Variants in ADGRF1 observed in about 807,000 individuals in gnomAD.
ADGRF1 encodes G protein-coupled receptor 110.
A neutral mutation model predicts 87.2 loss-of-function variants in ADGRF1; 85 were observed. The observed-to-expected ratio is 0.97, with a 90% CI of 0.82 to 1.17. The LOEUF (loss-of-function observed/expected upper bound fraction) is 1.17. ADGRF1 is among the 50% of genes most tolerant of loss of function. The pLI, the probability that ADGRF1 is intolerant of heterozygous loss-of-function variation, is 0.00. For missense variants in ADGRF1, 1,169 were observed against 1,077.2 expected (o/e 1.09, Z -1.19); for synonymous variants, 430 against 408.8 (o/e 1.05, Z -0.63).
intron 9 of ADGRF1, chr6:47,014,375 C>T: frequency 1.9e-6 from 2 of 1,059,394 alleles, no homozygotes; most frequent in Non-Finnish European, 2.3e-6. Flanking sequence ...ACTTCTGAGG[C>T]CAGCTTAGTT....
In ADGRF1 at chr6:47,016,757, A is replaced by T. The variant is rs777118683; in HGVS notation, c.623T>A (p.Ile208Asn). The T allele has an allele frequency of 6.3e-6, 10 of 1,586,894 alleles. No homozygotes were observed. The highest frequency in any genetic ancestry group is 8.6e-6 in the Non-Finnish European group (10 of 1,162,000). ...GCCAACAACTTCATACCCAGCAACG[A>T]TGCTTCCATTTCTGCAGTGATTATG... ...VQVTQFRNGS[I>N]VAGYEVVGSS... The change falls in exon 8 of 15, where the codon ATC (isoleucine) becomes AAC (asparagine). Residue 208 changes from isoleucine (I) to asparagine (N), a missense_variant. Ile to Asn is a moderately radical substitution (Grantham distance 149). Transcript: ENST00000371253.
Position 47,009,354 on chromosome 6 carries a change from G to A in ADGRF1, c.2081C>T (p.Ala694Val). 1 of 1,614,168 alleles carries A rather than the reference G, an allele frequency of 6.2e-7. No individual in the cohort carries two copies. ...YRIILVFHHMAQHLMMAVGFC... is the reference protein window; with the variant it reads ...YRIILVFHHMVQHLMMAVGFC... ...TCCAACAGCCATCATCAAATGCTGG[G>A]CCATGTGATGGAACACGAGGATGAT... Residue 694 changes from alanine to valine, a missense_variant, in exon 11 of 15, where the codon GCC becomes GTC. Transcript: ENST00000371253.
At chr6:47,012,780 T>C (rs1358924146) in intron 9 of ADGRF1, 4 of 985,172 alleles carry the variant, frequency 4.1e-6, no homozygotes, top group Non-Finnish European at 3.6e-6. Context: ...GTTTTTTTTA[T>C]TTTTTTCGAG....
chr6:47,015,610 C>A (rs558849301), intron 8 of ADGRF1, among the ~76,000 whole-genome samples: 241 of 131,404 alleles, frequency 1.8e-3, no homozygotes, highest in African/African-American at 8.8e-3. Context: ...ATTTTTGTAA[C>A]AGAGTCTCGC....
rs3030596 is a variant in ADGRF1, at chr6:47,030,576, A to ATGTGTGTGTGTGTG, written c.-43-1486_-43-1473dup. ...AAGAAAGATATGTGATAACATGAAT[A>ATGTGTGTGTGTGTG]TGTGTGTGTGTGTGTGTGTGTGTGT... On this transcript the variant is annotated intron_variant, in intron 1 of 14. Coordinates refer to ENST00000371253, the MANE Select transcript of ADGRF1 (RefSeq NM_153840.4). 5.1e-4 allele frequency among the ~76,000 whole-genome samples: 70 copies of ATGTGTGTGTGTGTG among 138,558 alleles called. 1 individual carries two copies. The highest frequency in any genetic ancestry group is 7.5e-4 in the African/African-American group (28 of 37,286). 90.9% of individuals were successfully genotyped at this position (138,558 alleles called of 152,430 possible).
intron 1 of ADGRF1, among the ~76,000 whole-genome samples, chr6:47,037,501 T>C (rs746267778): frequency 1.3e-5 from 2 of 152,178 alleles, no homozygotes; most frequent in African/African-American, 2.4e-5. Flanking sequence ...TTTTACTTAT[T>C]CATTTTTACT....
At chr6:47,039,652 T>C (rs966193129) in intron 1 of ADGRF1, among the ~76,000 whole-genome samples, 2 of 152,198 alleles carry the variant, frequency 1.3e-5, no homozygotes, top group African/African-American at 4.8e-5. Flanking sequence ...GATCCTAAAT[T>C]GTTTTCACAT....
intron 9 of ADGRF1, 75 bp from the exon 10 acceptor site, chr6:47,012,270 G>A: frequency 6.4e-7 from 1 of 1,565,002 alleles, no homozygotes; most frequent in Non-Finnish European, 8.7e-7. Context: ...AGATGTCTTG[G>A]CCATATAGAA....
rs1488521453 is a variant in ADGRF1, at chr6:47,020,885, C to T, written c.553-96G>A. On this transcript the variant is annotated intron_variant, in intron 6 of 14. Coordinates refer to ENST00000371253, the MANE Select transcript of ADGRF1 (RefSeq NM_153840.4). ...TTGATACAGACAATAAATAAATCAA[C>T]AGTAGCAAAGGAGCAAAGAAAAGAG... The T allele has an allele frequency of 8.8e-6, 8 of 914,114 alleles. No homozygotes were observed. The Admixed American group carries it at 1.6e-4, about 18-fold the overall frequency. The allele number at this position is 914,114 out of a possible 1,614,324, so 56.6% of individuals were successfully genotyped here. A position where few individuals can be genotyped will look rare whatever the true frequency, so the allele number is the denominator to read the frequency against.
intron 9 of ADGRF1, chr6:47,014,155 C>T: frequency 8.7e-6 from 5 of 577,614 alleles, no homozygotes; most frequent in Non-Finnish European, 1.1e-5. Flanking sequence ...ACTATTGGCC[C>T]CTTGGTCTTT....
intron 1 of ADGRF1, among the ~76,000 whole-genome samples, 191 bp from the exon 2 acceptor site, chr6:47,029,295 A>G (rs1780340342): frequency 6.6e-6 from 1 of 152,058 alleles, no homozygotes; most frequent in Non-Finnish European, 1.5e-5. Flanking sequence ...TTCCATCATT[A>G]CAAACTTACT....
intron 12 of ADGRF1, among the ~76,000 whole-genome samples, chr6:47,006,082 A>T (rs990935036): frequency 1.3e-5 from 2 of 152,208 alleles, no homozygotes; most frequent in Non-Finnish European, 2.9e-5. Flanking sequence ...GAACAACAGT[A>T]CCAAATGCCA....
chr6:47,022,282 C>T (rs1289047760), intron 5 of ADGRF1, among the ~76,000 whole-genome samples: 5 of 152,190 alleles, frequency 3.3e-5, no homozygotes, highest in Admixed American at 2.0e-4. Context: ...GTAATCAAGG[C>T]AACCTTAAAA....
At chr6:47,038,015 C>T (rs1413082704) in intron 1 of ADGRF1, among the ~76,000 whole-genome samples, 1 of 152,148 alleles carries the variant, frequency 6.6e-6, no homozygotes, top group Non-Finnish European at 1.5e-5. Flanking sequence ...TGCACGCCAC[C>T]ATGCCCGGCT....
intron 6 of ADGRF1, among the ~76,000 whole-genome samples, chr6:47,021,567 G>T (rs994974559): frequency 6.6e-6 from 1 of 152,040 alleles, no homozygotes; most frequent in African/African-American, 2.4e-5. Flanking sequence ...CACCATCCTG[G>T]CCAGGCTGGT....
At chr6:47,014,378 G>A (rs1779798458) in intron 9 of ADGRF1, 1 of 1,064,190 alleles carries the variant, frequency 9.4e-7, no homozygotes, top group African/African-American at 1.7e-5. Context: ...TCTGAGGCCA[G>A]CTTAGTTGCT....
At chr6:47,008,036 CT>C (rs1349106159) in intron 11 of ADGRF1, among the ~76,000 whole-genome samples, 1 of 152,190 alleles carries the variant, frequency 6.6e-6, no homozygotes, top group African/African-American at 2.4e-5. Context: ...TCATTTAACC[CT>C]CACATTTATT....
chr6:47,002,998 A>G lies in ADGRF1; in HGVS notation c.2593-1431T>C, dbSNP rs186364817. ...TAGCCTTGTCCATTACTTAAGAAAA[A>G]CAAACAAAAAAAGTATCAAGGTTCG... On this transcript the variant is annotated intron_variant, in intron 13 of 14. Transcript: ENST00000371253. Among the ~76,000 whole-genome samples, 30 of 152,284 alleles carry G rather than the reference A, an allele frequency of 2.0e-4. No individual in the cohort carries two copies. In the East Asian group the frequency reaches 5.4e-3, roughly 27 times the overall value.
rs1286019454 is a variant in ADGRF1 at position 47,021,963 on chromosome 6, T to G, written c.547A>C (p.Ile183Leu). The change falls in exon 6 of 15, where the codon ATT (isoleucine) becomes CTT (leucine). Residue 183 changes from isoleucine to leucine, a missense_variant. Coordinates refer to ENST00000371253, the MANE Select transcript of ADGRF1 (RefSeq NM_153840.4). ...AATAAGTAGAAAGTGCTTACTTGAA[T>G]TTCAATTCCATTTGCATATTTGGAG... ...IYSKYANGIE[I>L]QLKKAYERIQ... The G allele has an allele frequency of 6.4e-7, 1 of 1,550,784 alleles. No homozygotes were observed. Among genetic ancestry groups the G allele is most frequent in the East Asian group, 2.3e-5 (1 of 44,094 alleles).
Sources: allele counts gnomAD v4.1 joint callset (sites outside exome capture counted in the v4.1 genomes callset), GRCh38; gene constraint gnomAD v4.1.1; transcripts MANE v1.5; gene names NCBI Gene and HGNC (gene_info 2026-07-23, HGNC 2026-07-21).